Variants in GAS7 observed in about 807,000 individuals in gnomAD.
GAS7 encodes the protein growth arrest specific 7, also known as growth arrest-specific protein 7.
GAS7 carries 28 observed loss-of-function variants against 71.1 expected under a neutral mutation model. The ratio of observed to expected loss-of-function variants is 0.39; its 90% CI spans 0.29 to 0.54. GAS7 has a LOEUF of 0.54. Among genes scored for constraint, GAS7 ranks in the 20% least tolerant of loss-of-function variants. The pLI is 0.62. For missense variants in GAS7, 436 were observed against 627.8 expected (o/e 0.69, Z 3.27); for synonymous variants, 258 against 245.8 (o/e 1.05, Z -0.46).
intron 3 of GAS7, among the ~76,000 whole-genome samples, chr17:9,973,904 A>T (rs1439854241): frequency 6.6e-6 from 1 of 152,182 alleles, no homozygotes; most frequent in Non-Finnish European, 1.5e-5. Flanking sequence ...CTGAGTAGGT[A>T]ATAAATCTCT....
chr17:10,145,368 T>C (rs975188668), intron 1 of GAS7, among the ~76,000 whole-genome samples: 1 of 152,166 alleles, frequency 6.6e-6, no homozygotes, highest in South Asian at 2.1e-4. Flanking sequence ...CCTGGGTGAA[T>C]CTAAAGAAAA....
intron 7 of GAS7, among the ~76,000 whole-genome samples, chr17:9,940,476 T>C (rs2068562801): frequency 6.6e-6 from 1 of 152,138 alleles, no homozygotes; most frequent in South Asian, 2.1e-4. Flanking sequence ...GAGCTGTCGT[T>C]TACACAGTTC....
At chr17:10,064,513 C>T (rs2073259510) in intron 1 of GAS7, among the ~76,000 whole-genome samples, 1 of 152,230 alleles carries the variant, frequency 6.6e-6, no homozygotes. Flanking sequence ...GTGCCCTCTC[C>T]CCAACCACGG....
chr17:10,076,869 T>G (rs1011730539), intron 1 of GAS7, among the ~76,000 whole-genome samples: 4 of 152,130 alleles, frequency 2.6e-5, no homozygotes, highest in African/African-American at 9.7e-5. Context: ...AAGCCTGCAA[T>G]GGACTTGACT....
chr17:9,924,013 T>C (rs1008035852), intron 11 of GAS7, among the ~76,000 whole-genome samples: 6 of 152,222 alleles, frequency 3.9e-5, no homozygotes, highest in African/African-American at 1.4e-4. Flanking sequence ...TTCCAAGATA[T>C]ATTAAATAAG....
In GAS7 at chr17:10,161,298, C is replaced by A. The variant is rs142060197; in HGVS notation, c.183+36910G>T. Among the ~76,000 whole-genome samples, 927 of 152,264 alleles carry A rather than the reference C, an allele frequency of 6.1e-3. 7 individuals carry two copies. Among genetic ancestry groups the A allele is most frequent in the African/African-American group, 0.022 (894 of 41,550 alleles). ...CATGAACCCAGCTTGGGTGACATGT[C>A]CATTTCTGGTTCACTGTAGTGAGAG... On this transcript the variant is annotated intron_variant, in intron 1 of 13. Coordinates refer to ENST00000432992, the MANE Select transcript of GAS7 (RefSeq NM_201433.2).
At position 10,111,927 on chromosome 17, in the gene GAS7, G is replaced by C. The variant is rs16959328; in HGVS notation, c.183+86281C>G. On this transcript the variant is annotated intron_variant, in intron 1 of 13. Coordinates refer to ENST00000432992, the MANE Select transcript of GAS7 (RefSeq NM_201433.2). ...CTTATTTTCATGCTAAAAGCATACA[G>C]TTTAGACCTGTGCTCTCCCATATGG... is the stretch of plus-strand genomic sequence containing the variant. Among the ~76,000 whole-genome samples, 1,309 of 152,282 alleles carry C rather than the reference G, an allele frequency of 8.6e-3. 57 individuals carry two copies. Among genetic ancestry groups the C allele is most frequent in the Admixed American group, 0.073 (1,123 of 15,292 alleles).
intron 1 of GAS7, among the ~76,000 whole-genome samples, chr17:10,043,412 C>A (rs1012278696): frequency 1.3e-5 from 2 of 152,120 alleles, no homozygotes; most frequent in Non-Finnish European, 2.9e-5. Flanking sequence ...TTGAACAACA[C>A]GAGGGTTTAG....
chr17:10,096,186 A>G (rs2073639389), intron 1 of GAS7, among the ~76,000 whole-genome samples: 1 of 152,222 alleles, frequency 6.6e-6, no homozygotes. Context: ...GCAAAGGCAA[A>G]TTCTGTTTGC....
At chr17:10,057,184 T>G (rs1052857101) in intron 1 of GAS7, among the ~76,000 whole-genome samples, 1 of 152,194 alleles carries the variant, frequency 6.6e-6, no homozygotes, top group African/African-American at 2.4e-5. Flanking sequence ...CCTCCCAAAG[T>G]GCCCAGATTG....
At chr17:10,055,919 C>A (rs1210044355) in intron 1 of GAS7, among the ~76,000 whole-genome samples, 2 of 152,052 alleles carry the variant, frequency 1.3e-5, no homozygotes, top group Admixed American at 1.3e-4. Flanking sequence ...TTTTTAACTC[C>A]ATCTCAATCA....
At chr17:10,010,307 C>T (rs979301109) in intron 2 of GAS7, among the ~76,000 whole-genome samples, 12 of 152,046 alleles carry the variant, frequency 7.9e-5, no homozygotes, top group East Asian at 1.9e-4. Flanking sequence ...CCCGCCACCA[C>T]GCCGGGCTAA....
chr17:9,989,954 G>T (rs1444918956), intron 2 of GAS7, among the ~76,000 whole-genome samples: 1 of 152,156 alleles, frequency 6.6e-6, no homozygotes, highest in Non-Finnish European at 1.5e-5. Flanking sequence ...GCTTGACTGG[G>T]GCTGGAGGAG....
intron 1 of GAS7, among the ~76,000 whole-genome samples, chr17:10,046,663 G>C (rs2072963064): frequency 6.7e-6 from 1 of 150,036 alleles, no homozygotes; most frequent in African/African-American, 2.5e-5. Flanking sequence ...TTGAACCTGG[G>C]AGTCGGAGGT....
At chr17:10,106,385 G>A (rs11657429) in intron 1 of GAS7, among the ~76,000 whole-genome samples, 10,982 of 152,242 alleles carry the variant, frequency 0.072, 478 homozygotes, top group African/African-American at 0.11. Flanking sequence ...CACATCCCAT[G>A]TGCAGGCACA....
intron 1 of GAS7, among the ~76,000 whole-genome samples, chr17:10,060,130 C>T (rs1241935330): frequency 6.6e-6 from 1 of 152,218 alleles, no homozygotes; most frequent in African/African-American, 2.4e-5. Context: ...GATAATCCAA[C>T]CAGGTAGAGC....
chr17:10,164,440 C>CAAAA lies in GAS7; in HGVS notation c.183+33764_183+33767dup, dbSNP rs765625699. Among the ~76,000 whole-genome samples, 26 of 116,054 alleles carry CAAAA rather than the reference C, an allele frequency of 2.2e-4. No homozygotes were observed. The East Asian group carries it at 2.4e-3, about 11-fold the overall frequency. 76.1% of individuals were successfully genotyped at this position (116,054 alleles called of 152,430 possible). A position where few individuals can be genotyped will look rare whatever the true frequency, so the allele number is the denominator to read the frequency against. Reference sequence around the variant, plus strand: ...CTAGCGACAAAGTGAGACTCTGTCTCAAAAAAAAAAAAAAAGAAATATGGC... The same window carrying CAAAA: ...CTAGCGACAAAGTGAGACTCTGTCTCAAAAAAAAAAAAAAAAAAAGAAATATGGC... On this transcript the variant is annotated intron_variant, in intron 1 of 13. Coordinates refer to ENST00000432992, the MANE Select transcript of GAS7 (RefSeq NM_201433.2).
intron 4 of GAS7, among the ~76,000 whole-genome samples, chr17:9,962,867 G>C (rs1438577262): frequency 6.6e-6 from 1 of 152,034 alleles, no homozygotes; most frequent in African/African-American, 2.4e-5. Context: ...GTGCCAACCT[G>C]GGTGGTTGTG....
chr17:10,063,067 T>C (rs576903918), intron 1 of GAS7, among the ~76,000 whole-genome samples: 1 of 152,368 alleles, frequency 6.6e-6, no homozygotes, highest in South Asian at 2.1e-4. Context: ...GTGCTCCCAC[T>C]TACCTGCTGG....
Sources: gnomAD v4.1 joint callset for allele counts (sites outside exome capture counted in the v4.1 genomes callset) on GRCh38, gnomAD v4.1.1 for gene constraint, MANE v1.5 for transcripts, NCBI Gene and HGNC (gene_info 2026-07-23, HGNC 2026-07-21) for gene names.